The following UNC13C variants were observed in gnomAD, a reference collection of about 807,000 sequenced individuals.
UNC13C encodes the protein protein unc-13 homolog C.
A neutral mutation model predicts 245.4 loss-of-function variants in UNC13C; 174 were observed. The ratio of observed to expected loss-of-function variants is 0.71; its 90% CI spans 0.63 to 0.80. The LOEUF (loss-of-function observed/expected upper bound fraction) is 0.80. Among genes scored for constraint, UNC13C ranks in the 30% least tolerant of loss-of-function variants. The probability of loss-of-function intolerance (pLI) is 0.00; values close to 1 mark genes in which losing one functional copy is unlikely to be tolerated. For missense variants in UNC13C, 2,829 were observed against 2,602.9 expected (o/e 1.09, Z -1.89); for synonymous variants, 992 against 895.1 (o/e 1.11, Z -1.93).
At chr15:54,298,450 A>C (rs187125404) in intron 12 of UNC13C, among the ~76,000 whole-genome samples, 392 of 152,302 alleles carry the variant, frequency 2.6e-3, no homozygotes, top group Admixed American at 7.2e-3. Context: ...TGTAATAAGC[A>C]GTTAATTTTT....
chr15:53,901,688 G>C, the UNC13C span, among the ~76,000 whole-genome samples: 2 of 152,074 alleles, frequency 1.3e-5, no homozygotes. Context: ...ATGAGAAATA[G>C]TCAATGGAGT....
intron 4 of UNC13C, among the ~76,000 whole-genome samples, chr15:54,186,728 T>C (rs1221900189): frequency 6.6e-6 from 1 of 151,754 alleles, no homozygotes; most frequent in Non-Finnish European, 1.5e-5. Context: ...GAGAAAACCT[T>C]AATCATGCAG....
Position 54,627,167 on chromosome 15 carries a change from T to A in UNC13C, c.*54T>A. 1 of 1,501,016 alleles carries A rather than the reference T, an allele frequency of 6.7e-7. No individual in the cohort carries two copies. The highest frequency in any genetic ancestry group is 9.0e-7 in the Non-Finnish European group (1 of 1,111,426). 93.0% of individuals were successfully genotyped at this position (1,501,016 alleles called of 1,614,324 possible). ...TATAATTGTTTGACTACTGCATGCA[T>A]GTGCAAATACATGGGAATGTTTAGT... On this transcript the variant is annotated 3_prime_UTR_variant, in exon 33 of 33. Transcript: ENST00000260323.
At chr15:54,587,150 T>A (rs1333256271) in intron 30 of UNC13C, among the ~76,000 whole-genome samples, 1 of 152,212 alleles carries the variant, frequency 6.6e-6, no homozygotes, top group Non-Finnish European at 1.5e-5. Context: ...TTCAAACTGT[T>A]GTGTCATGTT....
chr15:54,221,140 A>G (rs551288477), intron 4 of UNC13C, among the ~76,000 whole-genome samples: 24 of 152,186 alleles, frequency 1.6e-4, no homozygotes, highest in African/African-American at 5.8e-4. Context: ...ATAAATAACA[A>G]AAGTCTATGT....
At chr15:54,154,648 T>C (rs2032664160) in intron 4 of UNC13C, among the ~76,000 whole-genome samples, 1 of 152,154 alleles carries the variant, frequency 6.6e-6, no homozygotes, top group African/African-American at 2.4e-5. Context: ...ATGCAACATA[T>C]AGATATGAGG....
chr15:53,956,391 T>A, the UNC13C span, among the ~76,000 whole-genome samples: 1 of 151,966 alleles, frequency 6.6e-6, no homozygotes, highest in Non-Finnish European at 1.5e-5. Context: ...AATATGTATT[T>A]GCTGCCTATA....
chr15:54,327,354 G>A (rs28687651), intron 14 of UNC13C, among the ~76,000 whole-genome samples: 57,631 of 151,084 alleles, frequency 0.38, 12,182 homozygotes, highest in African/African-American at 0.57. Flanking sequence ...CTTTGATCAC[G>A]TCATATGACA....
intron 30 of UNC13C, among the ~76,000 whole-genome samples, chr15:54,606,055 A>G (rs1356786747): frequency 6.6e-6 from 1 of 152,210 alleles, no homozygotes; most frequent in Non-Finnish European, 1.5e-5. Flanking sequence ...TTCTGGTGAG[A>G]AAGACTTTGC....
intron 2 of UNC13C, among the ~76,000 whole-genome samples, chr15:54,044,747 A>C (rs191086804): frequency 4.6e-5 from 7 of 152,250 alleles, no homozygotes; most frequent in Admixed American, 2.6e-4. Context: ...TAGATAGTAA[A>C]ATTGTTATTA....
chr15:54,440,653 C>A (rs1359807196), intron 19 of UNC13C, among the ~76,000 whole-genome samples: 1 of 151,842 alleles, frequency 6.6e-6, no homozygotes, highest in Non-Finnish European at 1.5e-5. Context: ...AGATAATTTC[C>A]TTTACTCTGA....
intron 18 of UNC13C, among the ~76,000 whole-genome samples, chr15:54,410,772 AT>A (rs1479013264): frequency 6.6e-6 from 1 of 151,830 alleles, no homozygotes; most frequent in Non-Finnish European, 1.5e-5. Context: ...TTGTAGTATA[AT>A]TTGAAGTTAG....
chr15:54,530,954 T>C (rs1895712157), intron 25 of UNC13C, among the ~76,000 whole-genome samples: 1 of 152,296 alleles, frequency 6.6e-6, no homozygotes, highest in Admixed American at 6.5e-5. Flanking sequence ...ATCTGGTTTT[T>C]ATTTTAAAAG....
the UNC13C span, among the ~76,000 whole-genome samples, chr15:53,888,041 T>A: frequency 6.6e-6 from 1 of 152,242 alleles, no homozygotes. Context: ...TATAGTAGAA[T>A]GATTTATAAT....
intron 26 of UNC13C, among the ~76,000 whole-genome samples, chr15:54,544,504 A>G (rs968269103): frequency 6.6e-6 from 1 of 152,216 alleles, no homozygotes; most frequent in Admixed American, 6.5e-5. Flanking sequence ...AGGAAGTCAA[A>G]TTGTCTCTGT....
At chr15:54,065,784 C>T (rs1051322531) in intron 2 of UNC13C, among the ~76,000 whole-genome samples, 1 of 152,172 alleles carries the variant, frequency 6.6e-6, no homozygotes, top group Non-Finnish European at 1.5e-5. Flanking sequence ...GAAATACACT[C>T]TTTTTGTGCA....
chr15:53,924,863 C>A, the UNC13C span, among the ~76,000 whole-genome samples: 2 of 152,080 alleles, frequency 1.3e-5, no homozygotes, highest in Non-Finnish European at 2.9e-5. Flanking sequence ...CTGTTGATAC[C>A]AAAAATTAAT....
At chr15:54,043,417 C>T (rs936817405) in intron 2 of UNC13C, among the ~76,000 whole-genome samples, 1 of 152,138 alleles carries the variant, frequency 6.6e-6, no homozygotes, top group Non-Finnish European at 1.5e-5. Flanking sequence ...CAAAGTTTCC[C>T]AGTTCTCTTT....
chr15:53,935,723 G>C, the UNC13C span, among the ~76,000 whole-genome samples: 1 of 152,158 alleles, frequency 6.6e-6, no homozygotes, highest in Non-Finnish European at 1.5e-5. Context: ...GGAGCCAGAA[G>C]AGCCCCCACC....
Sources: gnomAD v4.1 joint callset for allele counts (sites outside exome capture counted in the v4.1 genomes callset) on GRCh38, gnomAD v4.1.1 for gene constraint, MANE v1.5 for transcripts, NCBI Gene and HGNC (gene_info 2026-07-23, HGNC 2026-07-21) for gene names.